TECTA: variants seen among roughly 807,000 people sequenced by gnomAD.
The protein encoded by TECTA is alpha-tectorin.
Under a neutral mutation model 216.8 loss-of-function variants are expected in TECTA, and 128 were observed. The ratio of observed to expected loss-of-function variants is 0.59; its 90% CI spans 0.51 to 0.68. The LOEUF (loss-of-function observed/expected upper bound fraction) is 0.68, where lower values mean the gene tolerates loss of function less well. Ranked by LOEUF, TECTA falls within the 30% of genes least tolerant of loss-of-function variation. TECTA has a pLI of 0.00. For synonymous variants in TECTA, 1,089 were observed against 1,117.1 expected (o/e 0.97, Z 0.50); for missense variants, 2,551 against 2,786.2 (o/e 0.92, Z 1.90).
At chr11:121,156,804 T>G (rs953559618) in intron 13 of TECTA, among the ~76,000 whole-genome samples, 1 of 152,102 alleles carries the variant, frequency 6.6e-6, no homozygotes, top group African/African-American at 2.4e-5. Flanking sequence ...CACAAGATAT[T>G]ATTAATATCT....
At chr11:121,126,029 T>A (rs367835687) in intron 8 of TECTA, among the ~76,000 whole-genome samples, 157 bp downstream of exon 8, 1 of 152,150 alleles carries the variant, frequency 6.6e-6, no homozygotes, top group East Asian at 1.9e-4. Context: ...TGTGAAAGGA[T>A]CTTTACTTTT....
intron 20 of TECTA, among the ~76,000 whole-genome samples, chr11:121,176,280 C>T (rs1440232766): frequency 6.6e-6 from 1 of 151,264 alleles, no homozygotes; most frequent in South Asian, 2.1e-4. Context: ...TTCTTCCTAG[C>T]CTCGATGGTC....
chr11:121,150,465 C>A (rs553879312), intron 12 of TECTA, among the ~76,000 whole-genome samples: 1 of 151,984 alleles, frequency 6.6e-6, no homozygotes, highest in African/African-American at 2.4e-5. Context: ...AACAAATTAT[C>A]CAAGGCTAAA....
At chr11:121,160,538 C>G (rs1281453272) in intron 15 of TECTA, 117 bp downstream of exon 15, 4 of 1,403,348 alleles carry the variant, frequency 2.9e-6, no homozygotes, top group African/African-American at 1.4e-5. Flanking sequence ...CCTACAGAGA[C>G]GAGCCAAAGC....
rs1440168904 is a variant in TECTA, at chr11:121,166,616, G to A, written c.5422G>A (p.Ala1808Thr). 6.2e-7 allele frequency: 1 copy of A among 1,614,192 alleles called. No homozygotes were observed. Among genetic ancestry groups the A allele is most frequent in the Non-Finnish European group, 8.5e-7 (1 of 1,180,030 alleles). ...TATCGATGCAGAGGTGACCTGCAAA[G>A]CAGCCCAAATGGAAGTGTCCATATC... Reference protein sequence around the residue: ...DIIDAEVTCKAAQMEVSISKC... With the variant: ...DIIDAEVTCKTAQMEVSISKC... The change falls in exon 18 of 24, where the codon GCA becomes ACA. Residue 1808 changes from alanine to threonine, a missense_variant. By Grantham distance (58) the Ala-to-Thr change is moderately conservative. This residue lies in a region of TECTA where 2,375 missense variants were observed against 2,563.9 expected (regional missense o/e 0.93). Transcript: ENST00000392793.
At chr11:121,123,059 A>C (rs372629019) in intron 7 of TECTA, among the ~76,000 whole-genome samples, 1 of 152,244 alleles carries the variant, frequency 6.6e-6, no homozygotes, top group African/African-American at 2.4e-5. Flanking sequence ...CCATCATCTC[A>C]TCGCCTAGAC....
intron 11 of TECTA, among the ~76,000 whole-genome samples, chr11:121,138,372 C>T (rs1384164618): frequency 6.6e-6 from 1 of 152,178 alleles, no homozygotes; most frequent in African/African-American, 2.4e-5. Flanking sequence ...CACTTAACCT[C>T]CTAGCTTGGC....
chr11:121,146,423 T>C (rs1946839302), intron 12 of TECTA: 2 of 421,132 alleles, frequency 4.7e-6, no homozygotes, highest in African/African-American at 4.2e-5. Context: ...CACAATAGAA[T>C]GCTAACGAGA....
At chr11:121,108,543 CAT>C (rs1166460281) in intron 3 of TECTA, among the ~76,000 whole-genome samples, 3 of 149,988 alleles carry the variant, frequency 2.0e-5, no homozygotes, top group African/African-American at 7.4e-5. Context: ...TACACACACA[CAT>C]ACACACCACC....
chr11:121,168,096 G>T lies in TECTA; in HGVS notation c.5629G>T (p.Glu1877Ter), dbSNP rs962471834. Residue 1877 changes from glutamate (E) to a stop codon, truncating the protein, a stop_gained, in exon 19 of 24, where the codon GAA becomes TAA. Coordinates refer to ENST00000392793, the MANE Select transcript of TECTA (RefSeq NM_005422.4). LOFTEE classifies it high-confidence loss of function. ...HIMYKNTLWI[E>*]SANNTGNIIT... ...CATGTATAAAAACACACTCTGGATC[G>T]AAAGCGCCAACAACACTGGCAACAT... is the stretch of plus-strand genomic sequence containing the variant. 1 of 1,614,010 alleles carries T rather than the reference G, an allele frequency of 6.2e-7. No individual in the cohort carries two copies. Among genetic ancestry groups the T allele is most frequent in the Non-Finnish European group, 8.5e-7 (1 of 1,180,010 alleles).
chr11:121,121,294 T>C (rs1480145491), intron 7 of TECTA, among the ~76,000 whole-genome samples: 6 of 152,172 alleles, frequency 3.9e-5, no homozygotes, highest in African/African-American at 1.4e-4. Context: ...CCAAGACCTG[T>C]GCCTCCGTGA....
At chr11:121,166,422 C>G (rs1219112493) in intron 17 of TECTA, among the ~76,000 whole-genome samples, 156 bp from the exon 18 acceptor site, 2 of 152,200 alleles carry the variant, frequency 1.3e-5, no homozygotes, top group Non-Finnish European at 2.9e-5. Context: ...TTCATATGCT[C>G]ATTTGGTTTG....
At chr11:121,182,446 A>C (rs944639640) in intron 20 of TECTA, among the ~76,000 whole-genome samples, 1 of 152,100 alleles carries the variant, frequency 6.6e-6, no homozygotes, top group South Asian at 2.1e-4. Flanking sequence ...TTTAAAGGCA[A>C]ATGTAGTCGT....
intron 14 of TECTA, 57 bp from the exon 15 acceptor site, chr11:121,160,078 C>G (rs866889413): frequency 3.7e-6 from 6 of 1,611,406 alleles, no homozygotes; most frequent in Non-Finnish European, 4.2e-6. Context: ...CTTTCCTGAA[C>G]AAGTTTGCCA....
intron 8 of TECTA, among the ~76,000 whole-genome samples, chr11:121,126,930 A>G (rs1237601694): frequency 6.6e-6 from 1 of 152,210 alleles, no homozygotes; most frequent in Non-Finnish European, 1.5e-5. Flanking sequence ...GGCCACAGAT[A>G]TATATTTTCT....
chr11:121,122,935 A>C (rs1196299481), intron 7 of TECTA, among the ~76,000 whole-genome samples: 1 of 152,196 alleles, frequency 6.6e-6, no homozygotes, highest in African/African-American at 2.4e-5. Flanking sequence ...AAAAGCCTAC[A>C]TTGTAGTGAA....
chr11:121,115,205 C>A (rs1946489925), intron 6 of TECTA, among the ~76,000 whole-genome samples: 1 of 150,512 alleles, frequency 6.6e-6, no homozygotes, highest in South Asian at 2.2e-4. Context: ...ACCCATCCAT[C>A]CATTTATCCA....
In TECTA at chr11:121,113,752, G is replaced by T. The variant is rs778470648; in HGVS notation, c.790+34G>T. ...TTTCCTCTGTCTGTGGCAAGGCAGG[G>T]TTTGTTTAGTGTAGATTGACAGGCA... On this transcript the variant is annotated intron_variant, in intron 6 of 23. Coordinates refer to ENST00000392793, the MANE Select transcript of TECTA (RefSeq NM_005422.4). This position sits in a 1 kb window ranked among gnomAD's most constrained non-coding sequence, Gnocchi z 4.2. 1.9e-6 allele frequency: 3 copies of T among 1,611,544 alleles called. No homozygotes were observed. Among genetic ancestry groups the T allele is most frequent in the South Asian group, 1.1e-5 (1 of 90,888 alleles).
chr11:121,177,575 G>T (rs1411754564), intron 20 of TECTA, among the ~76,000 whole-genome samples: 2 of 152,230 alleles, frequency 1.3e-5, no homozygotes, highest in Admixed American at 1.3e-4. Flanking sequence ...TGAGGTGTCA[G>T]TCTGCCCCTA....
Sources: allele counts gnomAD v4.1 joint callset (sites outside exome capture counted in the v4.1 genomes callset), GRCh38; gene constraint gnomAD v4.1.1; regional missense constraint gnomAD v4.1.1; non-coding constraint Gnocchi (gnomAD v3.1); transcripts MANE v1.5; gene names NCBI Gene and HGNC (gene_info 2026-07-23, HGNC 2026-07-21).